The following NDUFB8 variants were observed in gnomAD, a reference collection of about 807,000 sequenced individuals.
The protein encoded by NDUFB8 is NADH dehydrogenase [ubiquinone] 1 beta subcomplex subunit 8, mitochondrial.
NDUFB8 carries 17 observed loss-of-function variants against 26.0 expected under a neutral mutation model. That is an observed-to-expected ratio of 0.65 (90% CI 0.45 to 0.98). NDUFB8 has a LOEUF of 0.98. Among genes scored for constraint, NDUFB8 ranks in the 50% least tolerant of loss-of-function variants. The probability of loss-of-function intolerance (pLI) is 0.00; values close to 1 mark genes in which losing one functional copy is unlikely to be tolerated. For missense variants in NDUFB8, 238 were observed against 255.0 expected (o/e 0.93, Z 0.45); for synonymous variants, 89 against 93.1 (o/e 0.96, Z 0.25).
In NDUFB8 at chr10:100,529,415, C is replaced by T; in HGVS notation, c.177G>A (p.Val59=). 1.2e-6 allele frequency: 2 copies of T among 1,612,904 alleles called. No homozygotes were observed. Among genetic ancestry groups the T allele is most frequent in the Non-Finnish European group, 1.7e-6 (2 of 1,179,624 alleles). Residue 59 remains valine, a synonymous_variant, in exon 2 of 5, where the codon GTG becomes GTA. Transcript: ENST00000299166. ...CATCCGGGTAAGGTTCGTAGTCTTCCACACGCATATTATACTTCTTGGCGG... is the reference window on the plus strand; with the variant it reads ...CATCCGGGTAAGGTTCGTAGTCTTCTACACGCATATTATACTTCTTGGCGG... ...AAAAKKYNMR[V]EDYEPYPDDG... is the part of the protein sequence containing the mutation.
At position 100,524,104 on chromosome 10, in the gene NDUFB8, G is replaced by T; in HGVS notation, c.469-175C>A. The T allele has an allele frequency of 6.3e-7, 1 of 1,577,292 alleles. No homozygotes were observed. The highest frequency in any genetic ancestry group is 2.3e-5 in the East Asian group (1 of 43,200). On this transcript the variant is annotated intron_variant, in intron 4 of 4. Coordinates refer to ENST00000299166, the MANE Select transcript of NDUFB8 (RefSeq NM_005004.4). The surrounding 1 kb of genome is among the most constrained non-coding windows in gnomAD (Gnocchi z 4.0). ...TCTTCCTCACTCAGCCCAAGGCAGA[G>T]AGAAAGCCTAAATTGTAAGAGAAGT...
chr10:100,526,993 C>T lies in NDUFB8; in HGVS notation c.294G>A (p.Arg98=). Residue 98 remains arginine, a synonymous_variant, in exon 3 of 5, where the codon AGG becomes AGA. Transcript: ENST00000299166. The stretch of plus-strand genomic sequence containing the variant: ...CTCTTACCGGTTCACCCCAGTTCAA[C>T]CTCAGGCCCGGCTGGTCCCAGCTAT... ...PWYSWDQPGL[R]LNWGEPMHWH... is the part of the protein sequence containing the mutation. 1 of 1,614,194 alleles carries T rather than the reference C, an allele frequency of 6.2e-7. No homozygotes were observed.
chr10:100,524,666 CATTG>C lies in NDUFB8; in HGVS notation c.469-741_469-738del, dbSNP rs1852014247. ...ACAGACATACCAGCTACCTTCAGGA[CATTG>C]ATTGTCTCTGCAGAGGTAGCACTGG... On this transcript the variant is annotated intron_variant, in intron 4 of 4. Transcript: ENST00000299166. This position sits in a 1 kb window ranked among gnomAD's most constrained non-coding sequence, Gnocchi z 4.0. Among the ~76,000 whole-genome samples the C allele has an allele frequency of 6.6e-6, 1 of 152,220 alleles. No individual in the cohort carries two copies. Among genetic ancestry groups the C allele is most frequent in the South Asian group, 2.1e-4 (1 of 4,832 alleles).
rs1364195414 is a variant in NDUFB8, at chr10:100,524,118, T to C, written c.469-189A>G. 3.8e-6 allele frequency: 6 copies of C among 1,574,426 alleles called. No homozygotes were observed. The highest frequency in any genetic ancestry group is 5.2e-6 in the Non-Finnish European group (6 of 1,161,432). ...CCCAAGGCAGAGAGAAAGCCTAAAT[T>C]GTAAGAGAAGTGGTGCCTACACTGT... On this transcript the variant is annotated intron_variant, in intron 4 of 4. Transcript: ENST00000299166. This position sits in a 1 kb window ranked among gnomAD's most constrained non-coding sequence, Gnocchi z 4.0.
chr10:100,529,297 A>G, intron 2 of NDUFB8, 83 bp downstream of exon 2: 1 of 1,251,042 alleles, frequency 8.0e-7, no homozygotes, highest in Middle Eastern at 2.2e-4. Context: ...AAGGTTCGGG[A>G]AAAAGGGTCA....
intron 2 of NDUFB8, among the ~76,000 whole-genome samples, chr10:100,527,482 A>C (rs1852072450): frequency 6.6e-6 from 1 of 152,180 alleles, no homozygotes; most frequent in South Asian, 2.1e-4. Context: ...AGGTGCCTGT[A>C]ATATCAGCTA....
At chr10:100,529,606 G>A (rs536459786) in intron 1 of NDUFB8, 100 bp from the exon 2 acceptor site, 26 of 1,574,254 alleles carry the variant, frequency 1.7e-5, no homozygotes, top group Middle Eastern at 4.0e-4. Context: ...CCGGGACTTC[G>A]CAGGATCAGT....
intron 3 of NDUFB8, 63 bp from the exon 4 acceptor site, chr10:100,526,617 CA>C: frequency 6.3e-7 from 1 of 1,583,274 alleles, no homozygotes; most frequent in Non-Finnish European, 8.6e-7. Context: ...GGCAAGTCCC[CA>C]GTGATTAGAG....
rs774582724 is a variant in NDUFB8, at chr10:100,529,558, C to T, written c.86-52G>A. On this transcript the variant is annotated intron_variant, in intron 1 of 4. Coordinates refer to ENST00000299166, the MANE Select transcript of NDUFB8 (RefSeq NM_005004.4). ...AAGCGAGCCCGCTCTCCAGCCGCTC[C>T]GAAGGCTTCAAGTCGCAGGGGCTGC... The T allele has an allele frequency of 5.0e-6, 8 of 1,600,818 alleles. No homozygotes were observed. In the African/African-American group the frequency reaches 6.8e-5, roughly 14 times the overall value.
intron 2 of NDUFB8, among the ~76,000 whole-genome samples, chr10:100,527,907 C>T (rs1347763925): frequency 6.6e-6 from 1 of 152,204 alleles, no homozygotes; most frequent in Admixed American, 6.5e-5. Flanking sequence ...GCAACCTCCA[C>T]CTCCCGGGTT....
intron 4 of NDUFB8, 21 bp downstream of exon 4, chr10:100,526,378 G>A (rs374288688): frequency 5.7e-6 from 9 of 1,567,352 alleles, no homozygotes; most frequent in Admixed American, 2.1e-5. Context: ...GTGCCTAAGG[G>A]AGCACTTCTC....
At chr10:100,529,745 G>A (rs1453440032) in intron 1 of NDUFB8, 22 bp downstream of exon 1, 1 of 1,611,142 alleles carries the variant, frequency 6.2e-7, no homozygotes, top group East Asian at 2.2e-5. Flanking sequence ...CCCACACTGA[G>A]GTCTCGCCCG....
intron 1 of NDUFB8, 57 bp downstream of exon 1, chr10:100,529,710 T>G: frequency 1.3e-6 from 2 of 1,573,808 alleles, no homozygotes; most frequent in Non-Finnish European, 1.7e-6. Flanking sequence ...CCCCTCCCGA[T>G]ACACCAAATT....
intron 1 of NDUFB8, 121 bp downstream of exon 1, chr10:100,529,646 T>C (rs1852116219): frequency 4.6e-6 from 7 of 1,535,248 alleles, no homozygotes; most frequent in Admixed American, 3.9e-5. Context: ...TCTGGATATA[T>C]CAACGCCACC....
At position 100,529,522 on chromosome 10, in the gene NDUFB8, G is replaced by T. The variant is rs774950409; in HGVS notation, c.86-16C>A. On this transcript the variant is annotated splice_polypyrimidine_tract_variant and intron_variant, in intron 1 of 4. Coordinates refer to ENST00000299166, the MANE Select transcript of NDUFB8 (RefSeq NM_005004.4). ...ATGTGGGAGGCTAGAACGCAGAAGA[G>T]AACAGGTCAGAAGCGAGCCCGCTCT... 4 of 1,611,620 alleles carry T rather than the reference G, an allele frequency of 2.5e-6. No homozygotes were observed. The Admixed American group carries it at 6.8e-5, about 27-fold the overall frequency.
chr10:100,529,468 G>C lies in NDUFB8; in HGVS notation c.124C>G (p.Pro42Ala), dbSNP rs776366809. 3.1e-6 allele frequency: 5 copies of C among 1,612,916 alleles called. No homozygotes were observed. The highest frequency in any genetic ancestry group is 4.2e-6 in the Non-Finnish European group (5 of 1,179,694). The stretch of plus-strand genomic sequence containing the variant: ...GCGGCCCGTTCTTCTGGGGTCCTAG[G>C]ATAGGGCCCCGGGAACATGTCCTTG... Reference protein sequence around the residue: ...MTKDMFPGPYPRTPEERAAAA... With the variant: ...MTKDMFPGPYARTPEERAAAA... The change falls in exon 2 of 5, where the codon CCT (proline) becomes GCT (alanine). Residue 42 changes from proline (P) to alanine (A), a missense_variant. By Grantham distance (27) the Pro-to-Ala change is conservative. Coordinates refer to ENST00000299166, the MANE Select transcript of NDUFB8 (RefSeq NM_005004.4).
intron 1 of NDUFB8, 70 bp downstream of exon 1, chr10:100,529,697 T>TCCC: frequency 6.4e-7 from 1 of 1,558,544 alleles, no homozygotes; most frequent in Non-Finnish European, 8.7e-7. Flanking sequence ...GCATCTACGA[T>TCCC]CCCCCCTCCC....
At chr10:100,526,876 A>G (rs1460912308) in intron 3 of NDUFB8, 99 bp downstream of exon 3, 8 of 1,154,308 alleles carry the variant, frequency 6.9e-6, no homozygotes, top group Non-Finnish European at 1.0e-5. Flanking sequence ...TTGAGCAGGA[A>G]AGCTTAGTGT....
chr10:100,524,006 CACGCATGGTA>C lies in NDUFB8; in HGVS notation c.469-87_469-78del. On this transcript the variant is annotated intron_variant, in intron 4 of 4. Coordinates refer to ENST00000299166, the MANE Select transcript of NDUFB8 (RefSeq NM_005004.4). This position sits in a 1 kb window ranked among gnomAD's most constrained non-coding sequence, Gnocchi z 4.0. The stretch of plus-strand genomic sequence containing the variant: ...CTACACCCCACTCTGAGTTAACAAT[CACGCATGGTA>C]AATGGGTACACAGTAGCCTCTGGTC... 1 of 1,604,610 alleles carries C rather than the reference CACGCATGGTA, an allele frequency of 6.2e-7. No individual in the cohort carries two copies. The highest frequency in any genetic ancestry group is 1.1e-5 in the South Asian group (1 of 89,582).
Sources: allele counts gnomAD v4.1 joint callset (sites outside exome capture counted in the v4.1 genomes callset), GRCh38; gene constraint gnomAD v4.1.1; non-coding constraint Gnocchi (gnomAD v3.1); transcripts MANE v1.5; gene names NCBI Gene and HGNC (gene_info 2026-07-23, HGNC 2026-07-21).